Variants in EPS8 observed in about 807,000 individuals in gnomAD.
The protein encoded by EPS8 is epidermal growth factor receptor kinase substrate 8.
Under a neutral mutation model 103.8 loss-of-function variants are expected in EPS8, and 42 were observed. The observed-to-expected ratio is 0.40, with a 90% confidence interval of 0.32 to 0.52. EPS8 has a LOEUF of 0.52. Among genes scored for constraint, EPS8 ranks in the 20% least tolerant of loss-of-function variants. EPS8 has a pLI of 0.40. For missense variants in EPS8, 969 were observed against 1,005.1 expected (o/e 0.96, Z 0.49); for synonymous variants, 344 against 344.6 (o/e 1.00, Z 0.02).
chr12:15,718,353 G>A (rs1323085093), intron 1 of EPS8, among the ~76,000 whole-genome samples: 1 of 152,076 alleles, frequency 6.6e-6, no homozygotes, highest in African/African-American at 2.4e-5. Context: ...TAACCAAATA[G>A]TCACAAAACC....
At chr12:15,645,763 C>T (rs367815799) in intron 15 of EPS8, among the ~76,000 whole-genome samples, 3 of 152,012 alleles carry the variant, frequency 2.0e-5, no homozygotes, top group Non-Finnish European at 2.9e-5. Flanking sequence ...TCATCCAATC[C>T]ATCAATCAAA....
At chr12:15,715,397 T>TC (rs1218508073) in intron 1 of EPS8, among the ~76,000 whole-genome samples, 7 of 142,706 alleles carry the variant, frequency 4.9e-5, no homozygotes, top group African/African-American at 1.8e-4. Context: ...TACTTTTCTT[T>TC]TTTTTTTTTT....
intron 2 of EPS8, among the ~76,000 whole-genome samples, chr12:15,681,816 T>C (rs1415231960): frequency 6.6e-6 from 1 of 151,900 alleles, no homozygotes; most frequent in African/African-American, 2.4e-5. Context: ...TCTAACCTCT[T>C]GCTACTAATA....
At chr12:15,766,835 T>G (rs895432967) in intron 1 of EPS8, among the ~76,000 whole-genome samples, 1 of 152,202 alleles carries the variant, frequency 6.6e-6, no homozygotes, top group African/African-American at 2.4e-5. Context: ...TCTAACTCGA[T>G]TCTTTGAAAT....
chr12:15,777,538 T>C lies in EPS8; in HGVS notation c.-22+11623A>G, dbSNP rs1947219310. On this transcript the variant is annotated intron_variant, in intron 1 of 20. Transcript: ENST00000281172. This position sits in a 1 kb window ranked among gnomAD's most constrained non-coding sequence, Gnocchi z 4.7. ...TGAAGGCTTCAATCCCTCCTTTGTT[T>C]CAAACCCCCTAGCAGCCTAAACTTA... 6.6e-6 allele frequency among the ~76,000 whole-genome samples: 1 copy of C among 152,196 alleles called. No individual in the cohort carries two copies. Among genetic ancestry groups the C allele is most frequent in the South Asian group, 2.1e-4 (1 of 4,832 alleles).
At position 15,621,032 on chromosome 12, in the gene EPS8, C is replaced by T; in HGVS notation, c.*285G>A. 7.2e-6 allele frequency: 2 copies of T among 277,860 alleles called. No individual in the cohort carries two copies. The highest frequency in any genetic ancestry group is 1.3e-5 in the Non-Finnish European group (2 of 151,092). The allele number at this position is 277,860 out of a possible 1,614,324, so 17.2% of individuals were successfully genotyped here. The stretch of plus-strand genomic sequence containing the variant: ...CTATCAAAACAATTCCTGTTTATAC[C>T]CTGGGATGGGGATAAAATAATTAGT... On this transcript the variant is annotated 3_prime_UTR_variant, in exon 21 of 21. Transcript: ENST00000281172.
At chr12:15,627,977 C>A (rs1029358769) in intron 18 of EPS8, among the ~76,000 whole-genome samples, 9 of 151,704 alleles carry the variant, frequency 5.9e-5, no homozygotes, top group Non-Finnish European at 1.3e-4. Flanking sequence ...GTGTTTGGTG[C>A]CCCTGGGAAA....
At chr12:15,744,939 G>A (rs1025184529) in intron 1 of EPS8, among the ~76,000 whole-genome samples, 2 of 151,950 alleles carry the variant, frequency 1.3e-5, no homozygotes, top group African/African-American at 2.4e-5. Flanking sequence ...GCAGTGGCGC[G>A]ATCTCGGCTC....
Position 15,784,316 on chromosome 12 carries a change from A to C in EPS8, c.-22+4845T>G, listed in dbSNP as rs1189984687. Among the ~76,000 whole-genome samples the C allele has an allele frequency of 6.6e-6, 1 of 152,226 alleles. No homozygotes were observed. The highest frequency in any genetic ancestry group is 2.4e-5 in the African/African-American group (1 of 41,460). On this transcript the variant is annotated intron_variant, in intron 1 of 20. Transcript: ENST00000281172. This position sits in a 1 kb window ranked among gnomAD's most constrained non-coding sequence, Gnocchi z 4.0. ...AACAATAAGAAAACAACCCCATTAA[A>C]AAGTGGGCAAATGATCTGAACAGCC...
rs1335515300 is a variant in EPS8, at chr12:15,698,228, A to C, written c.-21-15256T>G. On this transcript the variant is annotated intron_variant, in intron 1 of 20. Coordinates refer to ENST00000281172, the MANE Select transcript of EPS8 (RefSeq NM_004447.6). The surrounding 1 kb of genome is among the most constrained non-coding windows in gnomAD (Gnocchi z 4.9). ...CTGTGAATATTTTATTACTTGGCCA[A>C]ATGGAGATGTTTATCTCAAATCTTC... Among the ~76,000 whole-genome samples, 1 of 152,350 alleles carries C rather than the reference A, an allele frequency of 6.6e-6. No individual in the cohort carries two copies. Among genetic ancestry groups the C allele is most frequent in the Non-Finnish European group, 1.5e-5 (1 of 68,034 alleles).
At position 15,721,869 on chromosome 12, in the gene EPS8, T is replaced by A. The variant is rs977542409; in HGVS notation, c.-21-38897A>T. On this transcript the variant is annotated intron_variant, in intron 1 of 20. Coordinates refer to ENST00000281172, the MANE Select transcript of EPS8 (RefSeq NM_004447.6). This position sits in a 1 kb window ranked among gnomAD's most constrained non-coding sequence, Gnocchi z 4.4. ...AAATCCATGGCAGAAAGTTAGAACA[T>A]ACAAAACTATTTTAAGAACAAAAAT... Among the ~76,000 whole-genome samples the A allele has an allele frequency of 6.6e-6, 1 of 151,730 alleles. No homozygotes were observed. Among genetic ancestry groups the A allele is most frequent in the African/African-American group, 2.4e-5 (1 of 41,368 alleles).
rs372111796 is a variant in EPS8, at chr12:15,670,836, C to T, written c.204+20G>A. On this transcript the variant is annotated intron_variant, in intron 4 of 20. Coordinates refer to ENST00000281172, the MANE Select transcript of EPS8 (RefSeq NM_004447.6). ...CCTCAAGGGTCACTCTAAATACTAG[C>T]AAACACCAAAGCATCTTACTTCAAC... The T allele has an allele frequency of 1.3e-6, 2 of 1,572,370 alleles. No homozygotes were observed. The highest frequency in any genetic ancestry group is 1.7e-6 in the Non-Finnish European group (2 of 1,144,424).
In EPS8 at chr12:15,641,817, G is replaced by A. The variant is rs138455166; in HGVS notation, c.1582C>T (p.Leu528Phe). 121 of 1,569,102 alleles carry A rather than the reference G, an allele frequency of 7.7e-5. No homozygotes were observed. In the African/African-American group the frequency reaches 1.5e-3, roughly 20 times the overall value. The stretch of plus-strand genomic sequence containing the variant: ...GCATATTTCTTGGGTTGTGTTTTGA[G>A]TGGTTCATAATTTCTATAAAAAGAA... ...NRHIDRNYEP[L>F]KTQPKKYAKS... The change falls in exon 16 of 21, where the codon CTC (leucine) becomes TTC (phenylalanine). Residue 528 changes from leucine (L) to phenylalanine (F), a missense_variant. Transcript: ENST00000281172.
rs867092971 is a variant in EPS8 at position 15,780,304 on chromosome 12, A to G, written c.-22+8857T>C. Among the ~76,000 whole-genome samples the G allele has an allele frequency of 4.6e-5, 7 of 152,086 alleles. No homozygotes were observed. Among genetic ancestry groups the G allele is most frequent in the Admixed American group, 2.0e-4 (3 of 15,268 alleles). ...TGCAGAATTTCCCACCACTCCCATC[A>G]TGCCAACCTATTCCGCACATGTCAA... On this transcript the variant is annotated intron_variant, in intron 1 of 20. Coordinates refer to ENST00000281172, the MANE Select transcript of EPS8 (RefSeq NM_004447.6). The surrounding 1 kb of genome is among the most constrained non-coding windows in gnomAD (Gnocchi z 4.1).
rs1215685094 is a variant in EPS8, at chr12:15,776,938, C to T, written c.-22+12223G>A. Among the ~76,000 whole-genome samples, 2 of 152,104 alleles carry T rather than the reference C, an allele frequency of 1.3e-5. No individual in the cohort carries two copies. Among genetic ancestry groups the T allele is most frequent in the African/African-American group, 2.4e-5 (1 of 41,420 alleles). Reference sequence around the variant, plus strand: ...ATGCCTTTGAAAACCATAAACATAACACAAAATGTATTTGCTAGCCATTGG... The same window carrying T: ...ATGCCTTTGAAAACCATAAACATAATACAAAATGTATTTGCTAGCCATTGG... On this transcript the variant is annotated intron_variant, in intron 1 of 20. Transcript: ENST00000281172. This position sits in a 1 kb window ranked among gnomAD's most constrained non-coding sequence, Gnocchi z 4.2.
intron 8 of EPS8, among the ~76,000 whole-genome samples, chr12:15,664,280 T>C (rs1392737546): frequency 1.3e-5 from 2 of 150,814 alleles, no homozygotes; most frequent in Non-Finnish European, 2.9e-5. Flanking sequence ...TCTCTGTTAA[T>C]TAATTTTTTT....
In EPS8 at chr12:15,789,090, G is replaced by C. The variant is rs1191136943; in HGVS notation, c.-22+71C>G. The C allele has an allele frequency of 6.6e-6, 1 of 152,174 alleles. No homozygotes were observed. Among genetic ancestry groups the C allele is most frequent in the Admixed American group, 6.5e-5 (1 of 15,280 alleles). 9.4% of individuals were successfully genotyped at this position (152,174 alleles called of 1,614,324 possible). On this transcript the variant is annotated intron_variant, in intron 1 of 20. Coordinates refer to ENST00000281172, the MANE Select transcript of EPS8 (RefSeq NM_004447.6). The surrounding 1 kb of genome is among the most constrained non-coding windows in gnomAD (Gnocchi z 6.1). ...CGCTCCGATTCCAGCACACAAAGGC[G>C]GATTTTTAAAATCGAGAAAGTCAAA...
Position 15,748,825 on chromosome 12 carries a change from C to T in EPS8, c.-22+40336G>A, listed in dbSNP as rs1051596277. 3.9e-5 allele frequency among the ~76,000 whole-genome samples: 6 copies of T among 152,006 alleles called. No homozygotes were observed. The highest frequency in any genetic ancestry group is 1.3e-4 in the Admixed American group (2 of 15,252). Reference sequence around the variant, plus strand: ...GGCGAAAACATCCATTGCCTAGCCCCGCCTCACCAAAAAAAGCCTATCTGG... The same window carrying T: ...GGCGAAAACATCCATTGCCTAGCCCTGCCTCACCAAAAAAAGCCTATCTGG... On this transcript the variant is annotated intron_variant, in intron 1 of 20. Coordinates refer to ENST00000281172, the MANE Select transcript of EPS8 (RefSeq NM_004447.6). The surrounding 1 kb of genome is among the most constrained non-coding windows in gnomAD (Gnocchi z 4.8).
chr12:15,729,289 T>G (rs1946687593), intron 1 of EPS8, among the ~76,000 whole-genome samples: 1 of 152,200 alleles, frequency 6.6e-6, no homozygotes, highest in Non-Finnish European at 1.5e-5. Context: ...CATTTGTGGT[T>G]TGATGTCTGT....
Sources: allele counts gnomAD v4.1 joint callset (sites outside exome capture counted in the v4.1 genomes callset), GRCh38; gene constraint gnomAD v4.1.1; non-coding constraint Gnocchi (gnomAD v3.1); transcripts MANE v1.5; gene names NCBI Gene and HGNC (gene_info 2026-07-23, HGNC 2026-07-21).